Variants in RNF220 observed in about 807,000 individuals in gnomAD.
RNF220 encodes the protein E3 ubiquitin-protein ligase RNF220.
Under a neutral mutation model 67.1 loss-of-function variants are expected in RNF220, and 7 were observed. That is an observed-to-expected ratio of 0.10 (90% confidence interval 0.06 to 0.20). RNF220 has a LOEUF of 0.20. RNF220 is among the 10% of genes least tolerant of loss of function. The pLI is 1.00. For missense variants in RNF220, 565 were observed against 740.3 expected (o/e 0.76, Z 2.75); for synonymous variants, 270 against 283.2 (o/e 0.95, Z 0.47).
At chr1:44,437,931 C>T (rs1386232490) in intron 2 of RNF220, among the ~76,000 whole-genome samples, 1 of 152,114 alleles carries the variant, frequency 6.6e-6, no homozygotes, top group Non-Finnish European at 1.5e-5. Context: ...GATTGTAATA[C>T]CTGGCCTCAT....
rs545291224 is a variant in RNF220, at chr1:44,449,387, C to T, written c.625+36665C>T. On this transcript the variant is annotated intron_variant, in intron 2 of 14. Transcript: ENST00000361799. The stretch of plus-strand genomic sequence containing the variant: ...TTATCCACTTGAACCCTCTTCTTCA[C>T]GCCATCTCAGCTAAAGAGTTAGCAA... 5.3e-5 allele frequency among the ~76,000 whole-genome samples: 8 copies of T among 152,238 alleles called. No homozygotes were observed. In the East Asian group the frequency reaches 5.8e-4, roughly 11 times the overall value.
At chr1:44,441,422 T>G (rs762741807) in intron 2 of RNF220, among the ~76,000 whole-genome samples, 1 of 152,302 alleles carries the variant, frequency 6.6e-6, no homozygotes, top group South Asian at 2.1e-4. Context: ...TAAGCTGGCA[T>G]GAGTGAATGG....
At chr1:44,569,423 T>G (rs1664269397) in intron 2 of RNF220, among the ~76,000 whole-genome samples, 1 of 152,170 alleles carries the variant, frequency 6.6e-6, no homozygotes, top group African/African-American at 2.4e-5. Flanking sequence ...TGTTATAGAG[T>G]TAATAAGAGG....
chr1:44,424,176 T>G, intron 2 of RNF220: 1 of 225,000 alleles, frequency 4.4e-6, no homozygotes, highest in East Asian at 1.8e-4. Flanking sequence ...AAAGAAATGA[T>G]AATGTAAAAT....
intron 2 of RNF220, among the ~76,000 whole-genome samples, chr1:44,542,269 C>T (rs982054125): frequency 2.0e-5 from 3 of 152,208 alleles, no homozygotes; most frequent in African/African-American, 7.2e-5. Flanking sequence ...GCACAAGAAA[C>T]CTCAGTGGGC....
At chr1:44,588,857 T>C (rs1357891892) in intron 2 of RNF220, among the ~76,000 whole-genome samples, 4 of 152,204 alleles carry the variant, frequency 2.6e-5, no homozygotes, top group Non-Finnish European at 4.4e-5. Flanking sequence ...CTGCCATCAG[T>C]TTCTAGTGGC....
Position 44,622,881 on chromosome 1 carries a change from C to A in RNF220, c.804+94C>A. 1 of 1,000,118 alleles carries A rather than the reference C, an allele frequency of 1.0e-6. No individual in the cohort carries two copies. The highest frequency in any genetic ancestry group is 1.8e-5 in the Admixed American group (1 of 54,112). The allele number at this position is 1,000,118 out of a possible 1,614,324, so 62.0% of individuals were successfully genotyped here. ...TGAGAAAAAGGAGCTTTTCTAGTAT[C>A]CTCAACTATCTCCAGCTTTTCTAAT... is the stretch of plus-strand genomic sequence containing the variant. On this transcript the variant is annotated intron_variant, in intron 4 of 14. Coordinates refer to ENST00000361799, the MANE Select transcript of RNF220 (RefSeq NM_018150.4). This position sits in a 1 kb window ranked among gnomAD's most constrained non-coding sequence, Gnocchi z 4.3.
At chr1:44,599,253 A>C (rs1244627736) in intron 2 of RNF220, among the ~76,000 whole-genome samples, 1 of 152,220 alleles carries the variant, frequency 6.6e-6, no homozygotes, top group Non-Finnish European at 1.5e-5. Flanking sequence ...TAAATAAATA[A>C]TTGCAATATT....
chr1:44,609,956 T>A (rs1447906600), intron 2 of RNF220, among the ~76,000 whole-genome samples: 1 of 152,192 alleles, frequency 6.6e-6, no homozygotes, highest in African/African-American at 2.4e-5. Context: ...TCCCTGCTCT[T>A]GGAGCTGGAG....
In RNF220 at chr1:44,635,595, C is replaced by A. The variant is rs377609250; in HGVS notation, c.993+7C>A. 2 of 1,614,208 alleles carry A rather than the reference C, an allele frequency of 1.2e-6. No homozygotes were observed. The highest frequency in any genetic ancestry group is 1.7e-6 in the Non-Finnish European group (2 of 1,180,022). The stretch of plus-strand genomic sequence containing the variant: ...GAAGCAAGATGAAGGGCAGGTATGT[C>A]CCCTGTGCAACCGCCCCCTGGCAGG... On this transcript the variant is annotated splice_region_variant and intron_variant, in intron 7 of 14. Transcript: ENST00000361799.
intron 2 of RNF220, among the ~76,000 whole-genome samples, chr1:44,599,934 G>A (rs903519336): frequency 4.6e-5 from 7 of 152,176 alleles, no homozygotes; most frequent in South Asian, 2.1e-4. Flanking sequence ...TGTAGGGATG[G>A]AATAGATTAG....
At position 44,650,856 on chromosome 1, in the gene RNF220, C is replaced by G; in HGVS notation, c.*81C>G. On this transcript the variant is annotated 3_prime_UTR_variant, in exon 15 of 15. Coordinates refer to ENST00000361799, the MANE Select transcript of RNF220 (RefSeq NM_018150.4). This position sits in a 1 kb window ranked among gnomAD's most constrained non-coding sequence, Gnocchi z 4.3. ...GTGACAGTGACCGTCTCCCTTTGTA[C>G]ATACTTGCACACAGGTTCCCCATGT... The G allele has an allele frequency of 7.9e-7, 1 of 1,266,080 alleles. No individual in the cohort carries two copies. Among genetic ancestry groups the G allele is most frequent in the Non-Finnish European group, 1.1e-6 (1 of 873,554 alleles). 78.4% of individuals were successfully genotyped at this position (1,266,080 alleles called of 1,614,324 possible).
chr1:44,490,118 A>G (rs570693435), intron 2 of RNF220, among the ~76,000 whole-genome samples: 1 of 152,242 alleles, frequency 6.6e-6, no homozygotes, highest in Non-Finnish European at 1.5e-5. Context: ...GCAAAATATG[A>G]AATCAACTAG....
At chr1:44,440,107 A>G (rs938148553) in intron 2 of RNF220, among the ~76,000 whole-genome samples, 1 of 152,258 alleles carries the variant, frequency 6.6e-6, no homozygotes, top group Non-Finnish European at 1.5e-5. Flanking sequence ...ACTATAAGTC[A>G]TGGTAGCCAC....
In RNF220 at chr1:44,430,891, G is replaced by A. The variant is rs374680245; in HGVS notation, c.625+18169G>A. ...GATGATTCAGAAGACTGTATTATGGGACAGGCTTATAACCTAGCATTTATG... is the reference window on the plus strand; with the variant it reads ...GATGATTCAGAAGACTGTATTATGGAACAGGCTTATAACCTAGCATTTATG... On this transcript the variant is annotated intron_variant, in intron 2 of 14. Coordinates refer to ENST00000361799, the MANE Select transcript of RNF220 (RefSeq NM_018150.4). 7.2e-5 allele frequency among the ~76,000 whole-genome samples: 11 copies of A among 152,282 alleles called. No homozygotes were observed. The East Asian group carries it at 1.3e-3, about 19-fold the overall frequency.
chr1:44,536,774 C>T lies in RNF220; in HGVS notation c.626-77391C>T, dbSNP rs543969361. ...TTCGAAACAACTGTGGTGATAAATC[C>T]GCCTGCAGATAATTGGCAAGAAAAC... On this transcript the variant is annotated intron_variant, in intron 2 of 14. Transcript: ENST00000361799. 1.6e-4 allele frequency among the ~76,000 whole-genome samples: 24 copies of T among 152,246 alleles called. No individual in the cohort carries two copies. The South Asian group carries it at 4.1e-3, about 26-fold the overall frequency.
intron 2 of RNF220, among the ~76,000 whole-genome samples, chr1:44,555,149 C>T (rs916217167): frequency 6.6e-6 from 1 of 151,596 alleles, no homozygotes; most frequent in Non-Finnish European, 1.5e-5. Context: ...CTCACTGCAG[C>T]CTCCACCTCC....
chr1:44,491,675 T>C (rs950007026), intron 2 of RNF220, among the ~76,000 whole-genome samples: 11 of 151,930 alleles, frequency 7.2e-5, no homozygotes, highest in African/African-American at 1.9e-4. Flanking sequence ...TTTTTTTTTT[T>C]ACTTTTGAGA....
chr1:44,636,582 A>T, intron 8 of RNF220: 1 of 631,250 alleles, frequency 1.6e-6, no homozygotes, highest in Non-Finnish European at 2.9e-6. Context: ...TTCCAGGCAA[A>T]CACATTGGAT....
Sources: gnomAD v4.1 joint callset for allele counts (sites outside exome capture counted in the v4.1 genomes callset) on GRCh38, gnomAD v4.1.1 for gene constraint, Gnocchi (gnomAD v3.1) non-coding constraint, MANE v1.5 for transcripts, NCBI Gene and HGNC (gene_info 2026-07-23, HGNC 2026-07-21) for gene names.